Variants in SLC6A4 observed in about 807,000 individuals in gnomAD.
The protein encoded by SLC6A4 is sodium-dependent serotonin transporter.
SLC6A4 carries 22 observed loss-of-function variants against 73.4 expected under a neutral mutation model. The ratio of observed to expected loss-of-function variants is 0.30; its 90% CI spans 0.21 to 0.43. The LOEUF (loss-of-function observed/expected upper bound fraction) is 0.43. Among genes scored for constraint, SLC6A4 ranks in the 20% least tolerant of loss-of-function variants. The pLI, the probability that SLC6A4 is intolerant of heterozygous loss-of-function variation, is 1.00. For synonymous variants in SLC6A4, 270 were observed against 315.5 expected, an observed-to-expected ratio of 0.86 and a Z score of 1.53; for missense variants, 593 against 808.5, an observed-to-expected ratio of 0.73 and a Z score of 3.23.
intron 3 of SLC6A4, among the ~76,000 whole-genome samples, chr17:30,219,168 G>A (rs1906673039): frequency 6.6e-6 from 1 of 152,196 alleles, no homozygotes; most frequent in Non-Finnish European, 1.5e-5. Context: ...TGGGAAGAAA[G>A]CCTGGTTTGG....
chr17:30,198,337 G>C lies in SLC6A4; in HGVS notation c.*119C>G, dbSNP rs1905927195. On this transcript the variant is annotated 3_prime_UTR_variant, in exon 15 of 15. Transcript: ENST00000650711. ...ACCAGACTGTGTCCCTGTGGAGAAG[G>C]CCCTTCCATCATCAGGCTTAGCTGG... The C allele has an allele frequency of 1.7e-5, 11 of 632,796 alleles. No homozygotes were observed. The highest frequency in any genetic ancestry group is 6.0e-5 in the South Asian group (3 of 49,714). 39.2% of individuals were successfully genotyped at this position (632,796 alleles called of 1,614,324 possible). A position where few individuals can be genotyped will look rare whatever the true frequency, so the allele number is the denominator to read the frequency against.
chr17:30,208,537 T>G (rs1485837612), intron 12 of SLC6A4, among the ~76,000 whole-genome samples: 1 of 151,992 alleles, frequency 6.6e-6, no homozygotes, highest in Non-Finnish European at 1.5e-5. Context: ...TTGAACTTGG[T>G]CGTCTGAATT....
chr17:30,215,575 A>T, intron 8 of SLC6A4, 36 bp downstream of exon 8: 1 of 1,532,858 alleles, frequency 6.5e-7, no homozygotes, highest in Non-Finnish European at 9.0e-7. Context: ...CACTCACGCC[A>T]CTTTCAAGCT....
At chr17:30,216,274 GAGAAGGAGAAGGGAGCGGGGGAGGGGA>G in intron 6 of SLC6A4, 58 bp from the exon 7 acceptor site, 1 of 232,358 alleles carries the variant, frequency 4.3e-6, no homozygotes, top group South Asian at 6.1e-5. Flanking sequence ...GAGGGGAGGG[GAGAAGGAGAAGGGAGCGGGGGAGGGGA>G]GGGGAGGGGA....
At chr17:30,233,200 A>G (rs1907166154) in intron 1 of SLC6A4, among the ~76,000 whole-genome samples, 1 of 152,174 alleles carries the variant, frequency 6.6e-6, no homozygotes, top group African/African-American at 2.4e-5. Flanking sequence ...CGTATGTTCC[A>G]TGGAACACCG....
chr17:30,213,302 CTTT>C (rs3034289), intron 8 of SLC6A4, among the ~76,000 whole-genome samples: 4 of 129,794 alleles, frequency 3.1e-5, no homozygotes, highest in Admixed American at 7.9e-5. Flanking sequence ...ATTTTTTTTT[CTTT>C]TTTTTTTTTT....
chr17:30,228,884 G>A (rs1382704633), intron 1 of SLC6A4, among the ~76,000 whole-genome samples: 1 of 152,162 alleles, frequency 6.6e-6, no homozygotes, highest in South Asian at 2.1e-4. Context: ...ATGGCTACAC[G>A]TCCCTGAGTC....
chr17:30,229,621 C>T (rs1016153168), intron 1 of SLC6A4, among the ~76,000 whole-genome samples: 7 of 152,028 alleles, frequency 4.6e-5, no homozygotes, highest in African/African-American at 1.4e-4. Flanking sequence ...GCTATGTTGC[C>T]CAGGCTGGTC....
chr17:30,199,899 CTT>C (rs763174560), intron 14 of SLC6A4, among the ~76,000 whole-genome samples: 27 of 141,990 alleles, frequency 1.9e-4, no homozygotes, highest in Admixed American at 2.8e-4. Context: ...ATAACGAGTC[CTT>C]TTTTTTTTTT....
chr17:30,206,143 AAG>A (rs1906186343), intron 13 of SLC6A4: 1 of 151,774 alleles, frequency 6.6e-6, no homozygotes, highest in African/African-American at 2.4e-5. Context: ...CTGGATGCCA[AAG>A]AGATGTCCTA....
intron 13 of SLC6A4, among the ~76,000 whole-genome samples, chr17:30,205,261 A>G (rs1308715974): frequency 1.3e-5 from 2 of 152,200 alleles, no homozygotes; most frequent in East Asian, 1.9e-4. Context: ...TTATACCCAC[A>G]GTGAATGTTT....
intron 13 of SLC6A4, among the ~76,000 whole-genome samples, chr17:30,206,712 CTTT>C (rs1056871791): frequency 1.2e-5 from 1 of 80,296 alleles, no homozygotes; most frequent in Non-Finnish European, 2.4e-5. Flanking sequence ...CTTTTCTTTT[CTTT>C]TTTTTTTTTT....
intron 5 of SLC6A4, 99 bp downstream of exon 5, chr17:30,218,019 G>C: frequency 1.2e-6 from 1 of 860,300 alleles, no homozygotes; most frequent in Non-Finnish European, 1.9e-6. Context: ...TCTCAGAAAG[G>C]GGTGAGGAGC....
rs1380189112 is a variant in SLC6A4 at position 30,211,506 on chromosome 17, AAC to A, written c.1205-84_1205-83del. 2.3e-6 allele frequency: 2 copies of A among 854,880 alleles called. No homozygotes were observed. The highest frequency in any genetic ancestry group is 4.9e-5 in the East Asian group (2 of 41,192). The allele number at this position is 854,880 out of a possible 1,614,324, so 53.0% of individuals were successfully genotyped here. ...TCACAGAGGAAAACTCAGCCACAACAACAGTTACAATTCTCATCACAAGACCT... is the reference window on the plus strand; with the variant it reads ...TCACAGAGGAAAACTCAGCCACAACAAGTTACAATTCTCATCACAAGACCT... On this transcript the variant is annotated intron_variant, in intron 9 of 14. Transcript: ENST00000650711. The surrounding 1 kb of genome is among the most constrained non-coding windows in gnomAD (Gnocchi z 4.0).
rs1267221133 is a variant in SLC6A4 at position 30,194,439 on chromosome 17, A to T, written c.*4017T>A. On this transcript the variant is annotated 3_prime_UTR_variant, in exon 15 of 15. Transcript: ENST00000650711. Reference sequence around the variant, plus strand: ...GAAAGGGGACTCTTTTATACAAATAAATTTAGGTTTAATTCTGCCAGATAA... The same window carrying T: ...GAAAGGGGACTCTTTTATACAAATATATTTAGGTTTAATTCTGCCAGATAA... 1 of 152,142 alleles carries T rather than the reference A, an allele frequency of 6.6e-6. No individual in the cohort carries two copies. Among genetic ancestry groups the T allele is most frequent in the Non-Finnish European group, 1.5e-5 (1 of 68,010 alleles). 9.4% of individuals were successfully genotyped at this position (152,142 alleles called of 1,614,324 possible).
chr17:30,228,894 C>A (rs1907005233), intron 1 of SLC6A4, among the ~76,000 whole-genome samples: 1 of 152,206 alleles, frequency 6.6e-6, no homozygotes, highest in South Asian at 2.1e-4. Flanking sequence ...GTCCCTGAGT[C>A]CAAATACTTG....
At chr17:30,229,907 C>T (rs1340218743) in intron 1 of SLC6A4, among the ~76,000 whole-genome samples, 1 of 151,900 alleles carries the variant, frequency 6.6e-6, no homozygotes, top group Non-Finnish European at 1.5e-5. Context: ...GTAATACCAG[C>T]CTTTTAGAGG....
At chr17:30,225,520 T>C (rs1906899717) in intron 1 of SLC6A4, among the ~76,000 whole-genome samples, 1 of 152,260 alleles carries the variant, frequency 6.6e-6, no homozygotes, top group African/African-American at 2.4e-5. Context: ...AGCTTTCTTT[T>C]TTTAAAAGGT....
At chr17:30,219,282 G>C (rs1906676132) in intron 3 of SLC6A4, among the ~76,000 whole-genome samples, 1 of 152,180 alleles carries the variant, frequency 6.6e-6, no homozygotes, top group Non-Finnish European at 1.5e-5. Context: ...AAAGAACACA[G>C]TTGAGGAGAG....
Sources: gnomAD v4.1 joint callset for allele counts (sites outside exome capture counted in the v4.1 genomes callset) on GRCh38, gnomAD v4.1.1 for gene constraint, Gnocchi (gnomAD v3.1) non-coding constraint, MANE v1.5 for transcripts, NCBI Gene and HGNC (gene_info 2026-07-23, HGNC 2026-07-21) for gene names.